The following TRIM37 variants were observed in gnomAD, a reference collection of about 807,000 sequenced individuals.
The protein encoded by TRIM37 is tripartite motif containing 37, also known as E3 ubiquitin-protein ligase TRIM37.
In TRIM37, 80 loss-of-function variants were observed where a neutral mutation model predicts 129.8. The observed-to-expected ratio is 0.62, with a 90% confidence interval of 0.51 to 0.74. TRIM37 has a LOEUF of 0.74. Ranked by LOEUF, TRIM37 falls within the 30% of genes least tolerant of loss-of-function variation. The pLI, the probability that TRIM37 is intolerant of heterozygous loss-of-function variation, is 0.00. For synonymous variants in TRIM37, 389 were observed against 387.1 expected (o/e 1.00, Z -0.06); for missense variants, 1,054 against 1,176.5 (o/e 0.90, Z 1.52).
At chr17:59,067,951 C>T (rs1349520583) in intron 9 of TRIM37, among the ~76,000 whole-genome samples, 4 of 152,204 alleles carry the variant, frequency 2.6e-5, no homozygotes, top group African/African-American at 9.6e-5. Flanking sequence ...TCCATTGTGG[C>T]TCCATCACCA....
At chr17:59,044,435 G>A (rs990673713) in intron 16 of TRIM37, among the ~76,000 whole-genome samples, 9 of 152,142 alleles carry the variant, frequency 5.9e-5, no homozygotes, top group African/African-American at 1.4e-4. Flanking sequence ...AGTGGCAGGC[G>A]TGTATAATCC....
At chr17:59,066,120 T>C (rs764318903) in intron 9 of TRIM37, among the ~76,000 whole-genome samples, 7 of 152,182 alleles carry the variant, frequency 4.6e-5, no homozygotes, top group Non-Finnish European at 8.8e-5. Context: ...GGTCTTCCCA[T>C]TATATGATCT....
chr17:59,101,773 CAT>C (rs1050635993), intron 2 of TRIM37, among the ~76,000 whole-genome samples: 1 of 138,416 alleles, frequency 7.2e-6, no homozygotes, highest in African/African-American at 2.7e-5. Context: ...CACATATATA[CAT>C]ATATATATAC....
At chr17:59,096,101 G>C (rs1367050232) in intron 2 of TRIM37, among the ~76,000 whole-genome samples, 1 of 152,132 alleles carries the variant, frequency 6.6e-6, no homozygotes, top group Non-Finnish European at 1.5e-5. Flanking sequence ...CAAAGAAAGG[G>C]AAAAGCTGTC....
chr17:59,056,791 G>C (rs909721884), intron 13 of TRIM37, 84 bp downstream of exon 13: 1 of 733,328 alleles, frequency 1.4e-6, no homozygotes, highest in East Asian at 5.8e-5. Context: ...ATTCATCTTT[G>C]TTAACCAAAT....
At chr17:59,085,103 A>T (rs8072712) in intron 4 of TRIM37, among the ~76,000 whole-genome samples, 99,770 of 151,986 alleles carry the variant, frequency 0.66, 33,453 homozygotes, top group African/African-American at 0.78. Flanking sequence ...GGCGGGTGGA[A>T]CACTTGAAGC....
In TRIM37 at chr17:58,998,829, C is replaced by A; in HGVS notation, c.*548G>T. 1.0e-6 allele frequency: 1 copy of A among 990,426 alleles called. No individual in the cohort carries two copies. Among genetic ancestry groups the A allele is most frequent in the Non-Finnish European group, 1.2e-6 (1 of 832,892 alleles). 61.4% of individuals were successfully genotyped at this position (990,426 alleles called of 1,614,324 possible). A position where few individuals can be genotyped will look rare whatever the true frequency, so the allele number is the denominator to read the frequency against. On this transcript the variant is annotated 3_prime_UTR_variant, in exon 24 of 24. Transcript: ENST00000262294. ...GAACAAGTGAGAGAAGATACATACT[C>A]CAAAAAGGAGATTCAGTCTAGTGTT...
chr17:59,024,214 C>CA (rs1237722939), intron 19 of TRIM37, among the ~76,000 whole-genome samples: 2,783 of 74,680 alleles, frequency 0.037, 72 homozygotes, highest in Non-Finnish European at 0.05. Context: ...AATTCCGTAT[C>CA]AAAAAAAAAA....
intron 8 of TRIM37, among the ~76,000 whole-genome samples, chr17:59,075,330 G>A (rs1375654167): frequency 6.6e-6 from 1 of 152,040 alleles, no homozygotes; most frequent in South Asian, 2.1e-4. Flanking sequence ...TTGGGAGGCT[G>A]AGGCGGGCAG....
chr17:59,018,599 T>C (rs1022119040), intron 19 of TRIM37, among the ~76,000 whole-genome samples: 6 of 152,014 alleles, frequency 3.9e-5, no homozygotes, highest in Non-Finnish European at 5.9e-5. Context: ...TGAAAGAAAA[T>C]AGAGACAACA....
chr17:59,097,670 G>A (rs867339462), intron 2 of TRIM37, among the ~76,000 whole-genome samples: 3 of 152,128 alleles, frequency 2.0e-5, no homozygotes, highest in Non-Finnish European at 4.4e-5. Flanking sequence ...GGAAGTTGAG[G>A]CTGCAGTGAG....
intron 7 of TRIM37, among the ~76,000 whole-genome samples, chr17:59,075,969 A>T (rs1453886818): frequency 6.6e-6 from 1 of 152,228 alleles, no homozygotes; most frequent in Non-Finnish European, 1.5e-5. Context: ...TAAGAAACGA[A>T]ATGTGCAATG....
chr17:59,044,326 C>T (rs917639471), intron 16 of TRIM37, among the ~76,000 whole-genome samples: 2 of 151,716 alleles, frequency 1.3e-5, no homozygotes, highest in Admixed American at 6.6e-5. Context: ...TAAAGCCGGC[C>T]GGGTGCTGTG....
Position 59,017,402 on chromosome 17 carries a change from C to G in TRIM37, c.2280G>C (p.Ser760=), listed in dbSNP as rs767616734. ...IRNSTNKKSN[S]PKPARSSVAG... is the part of the protein sequence containing the mutation. The stretch of plus-strand genomic sequence containing the variant: ...CTACACTGGATCGAGCTGGCTTGGG[C>G]GAATTACTCTTCTTATTTGTGGCTG... The change falls in exon 20 of 24, where the codon TCG becomes TCC. Residue 760 remains serine (S), a synonymous_variant. Transcript: ENST00000262294. The G allele has an allele frequency of 6.2e-7, 1 of 1,613,800 alleles. No homozygotes were observed. Among genetic ancestry groups the G allele is most frequent in the Non-Finnish European group, 8.5e-7 (1 of 1,179,930 alleles).
intron 8 of TRIM37, among the ~76,000 whole-genome samples, chr17:59,071,334 G>C (rs986576547): frequency 1.4e-5 from 2 of 144,462 alleles, no homozygotes; most frequent in African/African-American, 5.2e-5. Flanking sequence ...TGCCCAGGCT[G>C]GAGTGCAATG....
chr17:59,025,576 G>A (rs1041578986), intron 19 of TRIM37, among the ~76,000 whole-genome samples: 9 of 152,010 alleles, frequency 5.9e-5, no homozygotes, highest in Non-Finnish European at 1.2e-4. Flanking sequence ...GGACCCCTGC[G>A]TATACTAAAA....
rs183493610 is a variant in TRIM37 at position 59,074,242 on chromosome 17, G to A, written c.684+1405C>T. On this transcript the variant is annotated intron_variant, in intron 8 of 23. Coordinates refer to ENST00000262294, the MANE Select transcript of TRIM37 (RefSeq NM_015294.6). ...TTGTGGGACCACTGTCACATATGCA[G>A]TCTGTCATTGACCAAAAGGTCATAA... 9.2e-5 allele frequency among the ~76,000 whole-genome samples: 14 copies of A among 152,320 alleles called. No individual in the cohort carries two copies. The East Asian group carries it at 2.7e-3, about 29-fold the overall frequency.
downstream of TRIM37, among the ~76,000 whole-genome samples, chr17:58,994,630 C>A (rs1354868181): frequency 6.6e-6 from 1 of 152,146 alleles, no homozygotes; most frequent in African/African-American, 2.4e-5. Flanking sequence ...TATATGCAAA[C>A]ACTATACCGT....
intron 21 of TRIM37, among the ~76,000 whole-genome samples, chr17:59,014,953 G>A (rs1269782364): frequency 4.0e-5 from 6 of 150,862 alleles, no homozygotes; most frequent in African/African-American, 1.2e-4. Context: ...GTGGGCGCCT[G>A]TAGTCCTGGC....
Sources: gnomAD v4.1 joint callset for allele counts (sites outside exome capture counted in the v4.1 genomes callset) on GRCh38, gnomAD v4.1.1 for gene constraint, MANE v1.5 for transcripts, NCBI Gene and HGNC (gene_info 2026-07-23, HGNC 2026-07-21) for gene names.